ANGPT2: variants seen among roughly 807,000 people sequenced by gnomAD.
ANGPT2 encodes angiopoietin 2.
Under a neutral mutation model 62.9 loss-of-function variants are expected in ANGPT2, and 28 were observed. That is an observed-to-expected ratio of 0.44 (90% CI 0.33 to 0.61). The LOEUF is 0.61. Among genes scored for constraint, ANGPT2 ranks in the 20% least tolerant of loss-of-function variants. ANGPT2 has a pLI of 0.03. For synonymous variants in ANGPT2, 284 were observed against 207.8 expected (o/e 1.37, Z -3.15); for missense variants, 727 against 594.9 (o/e 1.22, Z -2.31).
intron 2 of ANGPT2, among the ~76,000 whole-genome samples, chr8:6,530,609 A>C (rs1364327019): frequency 6.6e-6 from 1 of 151,116 alleles, no homozygotes; most frequent in Non-Finnish European, 1.5e-5. Context: ...TTGACTTTTA[A>C]ATCTTTAGTT....
intron 1 of ANGPT2, among the ~76,000 whole-genome samples, chr8:6,532,910 C>T (rs953668432): frequency 1.3e-5 from 2 of 152,190 alleles, no homozygotes; most frequent in African/African-American, 2.4e-5. Context: ...CACTATTTCT[C>T]TCACATTCTA....
rs1317247013 is a variant in ANGPT2 at position 6,502,485 on chromosome 8, A to G, written c.*616T>C. Reference sequence around the variant, plus strand: ...ATTAACTTATAACTAAGCTGTCAACATAAATGTAAATACGCTGTTTTTGAA... The same window carrying G: ...ATTAACTTATAACTAAGCTGTCAACGTAAATGTAAATACGCTGTTTTTGAA... On this transcript the variant is annotated 3_prime_UTR_variant, in exon 9 of 9. Transcript: ENST00000629816. 1.3e-5 allele frequency: 2 copies of G among 152,272 alleles called. No individual in the cohort carries two copies. Among genetic ancestry groups the G allele is most frequent in the African/African-American group, 2.4e-5 (1 of 41,472 alleles). The allele number at this position is 152,272 out of a possible 1,614,324, so 9.4% of individuals were successfully genotyped here. A position where few individuals can be genotyped will look rare whatever the true frequency, so the allele number is the denominator to read the frequency against.
chr8:6,550,418 C>G (rs1823428945), intron 1 of ANGPT2, among the ~76,000 whole-genome samples: 1 of 152,250 alleles, frequency 6.6e-6, no homozygotes, highest in South Asian at 2.1e-4. Context: ...TCTACAGCCG[C>G]TTGTTGCCCT....
In ANGPT2 at chr8:6,539,406, G is replaced by A. The variant is rs150938271; in HGVS notation, c.289-6919C>T. On this transcript the variant is annotated intron_variant, in intron 1 of 8. Coordinates refer to ENST00000629816, the MANE Select transcript of ANGPT2 (RefSeq NM_001118887.2). Reference sequence around the variant, plus strand: ...GAAGTTGAGGCAAAAGCTAAAGGCCGAGGGAGGGAAGCCTGGCCTCTGGTG... The same window carrying A: ...GAAGTTGAGGCAAAAGCTAAAGGCCAAGGGAGGGAAGCCTGGCCTCTGGTG... Among the ~76,000 whole-genome samples, 974 of 152,240 alleles carry A rather than the reference G, an allele frequency of 6.4e-3. 11 individuals carry two copies. Among genetic ancestry groups the A allele is most frequent in the African/African-American group, 0.023 (951 of 41,530 alleles).
In ANGPT2 at chr8:6,532,407, C is replaced by G. The variant is rs1193600354; in HGVS notation, c.369G>C (p.Val123=). The change falls in exon 2 of 9, where the codon GTG becomes GTC. Residue 123 remains valine (V), a synonymous_variant. Transcript: ENST00000629816. The part of the protein sequence containing the change: ...QQNAVQNQTA[V]MIEIGTNLLN... ...ACAGGTTTGTCCCTATTTCTATCAT[C>G]ACAGCCGTCTGGTTCTGTACTGCAT... is the stretch of plus-strand genomic sequence containing the variant. 1.2e-6 allele frequency: 2 copies of G among 1,614,140 alleles called. No individual in the cohort carries two copies. The highest frequency in any genetic ancestry group is 1.7e-6 in the Non-Finnish European group (2 of 1,180,028).
At chr8:6,557,242 T>A (rs769500844) in intron 1 of ANGPT2, among the ~76,000 whole-genome samples, 8 of 152,162 alleles carry the variant, frequency 5.3e-5, no homozygotes, top group Non-Finnish European at 8.8e-5. Flanking sequence ...ACAAGGCTAC[T>A]AAACTGCAGA....
At position 6,503,022 on chromosome 8, in the gene ANGPT2, G is replaced by A. The variant is rs1812501047; in HGVS notation, c.*79C>T. Reference sequence around the variant, plus strand: ...CCTCTGTGGTGGAAGAGGACACAGTGCGCAGCCGTGACTTTCAGTGCACTG... The same window carrying A: ...CCTCTGTGGTGGAAGAGGACACAGTACGCAGCCGTGACTTTCAGTGCACTG... On this transcript the variant is annotated 3_prime_UTR_variant, in exon 9 of 9. Transcript: ENST00000629816. 1 of 1,542,656 alleles carries A rather than the reference G, an allele frequency of 6.5e-7. No homozygotes were observed. The highest frequency in any genetic ancestry group is 1.2e-5 in the South Asian group (1 of 82,934).
intron 1 of ANGPT2, among the ~76,000 whole-genome samples, chr8:6,547,278 A>C (rs1037606736): frequency 8.5e-5 from 13 of 152,070 alleles, no homozygotes; most frequent in African/African-American, 3.1e-4. Context: ...TGATTCTCCA[A>C]ATGCTTGTGG....
chr8:6,536,323 G>A (rs915680981), intron 1 of ANGPT2, among the ~76,000 whole-genome samples: 1 of 152,140 alleles, frequency 6.6e-6, no homozygotes, highest in African/African-American at 2.4e-5. Context: ...CAGCACAGGT[G>A]GATGCAGGGC....
intron 3 of ANGPT2, among the ~76,000 whole-genome samples, chr8:6,522,468 A>T (rs1427161938): frequency 6.6e-6 from 1 of 152,084 alleles, no homozygotes; most frequent in Non-Finnish European, 1.5e-5. Flanking sequence ...TCCAATGAGG[A>T]AATTGAAACT....
rs757621488 is a variant in ANGPT2 at position 6,501,917 on chromosome 8, C to G, written c.*1184G>C. The G allele has an allele frequency of 2.2e-4, 31 of 141,362 alleles. No individual in the cohort carries two copies. The highest frequency in any genetic ancestry group is 7.8e-4 in the African/African-American group (31 of 39,536). The allele number at this position is 141,362 out of a possible 1,614,324, so 8.8% of individuals were successfully genotyped here. On this transcript the variant is annotated 3_prime_UTR_variant, in exon 9 of 9. Transcript: ENST00000629816. ...TTATGAACATCAGATTTTGTTTTTGCACTTTGAAACCCTTTTTTTTTTTTC... is the reference window on the plus strand; with the variant it reads ...TTATGAACATCAGATTTTGTTTTTGGACTTTGAAACCCTTTTTTTTTTTTC...
At chr8:6,552,316 C>A (rs1342731595) in intron 1 of ANGPT2, among the ~76,000 whole-genome samples, 3 of 152,172 alleles carry the variant, frequency 2.0e-5, no homozygotes, top group African/African-American at 7.2e-5. Context: ...CATATTCACG[C>A]AGTCACAGCA....
At chr8:6,544,584 A>G (rs1182053154) in intron 1 of ANGPT2, among the ~76,000 whole-genome samples, 1 of 152,106 alleles carries the variant, frequency 6.6e-6, no homozygotes, top group Non-Finnish European at 1.5e-5. Flanking sequence ...TCATTCATGT[A>G]TTGGAGGGGG....
At chr8:6,543,941 C>G (rs908550579) in intron 1 of ANGPT2, among the ~76,000 whole-genome samples, 7 of 152,162 alleles carry the variant, frequency 4.6e-5, no homozygotes, top group Admixed American at 1.3e-4. Flanking sequence ...TTTAACGGGG[C>G]TATGTTTTGC....
At chr8:6,537,356 G>GT (rs958090654) in intron 1 of ANGPT2, among the ~76,000 whole-genome samples, 16 of 151,992 alleles carry the variant, frequency 1.1e-4, no homozygotes, top group African/African-American at 3.6e-4. Flanking sequence ...GCCTTGGGCT[G>GT]TTCTTCCTTT....
At chr8:6,525,348 G>C (rs1036236912) in intron 3 of ANGPT2, among the ~76,000 whole-genome samples, 3 of 152,160 alleles carry the variant, frequency 2.0e-5, no homozygotes, top group African/African-American at 7.2e-5. Context: ...ACCTGCCTCA[G>C]CCATCCAAAT....
At chr8:6,513,634 CA>C (rs1275748095) in intron 7 of ANGPT2, 43 bp downstream of exon 7, 3 of 1,573,354 alleles carry the variant, frequency 1.9e-6, no homozygotes, top group African/African-American at 2.7e-5. Flanking sequence ...TGCCCGGCCA[CA>C]AATCTTTTAA....
chr8:6,525,339 C>A (rs1818137639), intron 3 of ANGPT2, among the ~76,000 whole-genome samples: 1 of 152,288 alleles, frequency 6.6e-6, no homozygotes, highest in South Asian at 2.1e-4. Context: ...AAGCGATCCA[C>A]CTGCCTCAGC....
At chr8:6,522,996 GT>G (rs1158824143) in intron 3 of ANGPT2, among the ~76,000 whole-genome samples, 34 of 147,100 alleles carry the variant, frequency 2.3e-4, no homozygotes, top group Admixed American at 1.3e-3. Flanking sequence ...CCCTTGAAAA[GT>G]TTTTTTTTTT....
Sources: gnomAD v4.1 joint callset for allele counts (sites outside exome capture counted in the v4.1 genomes callset) on GRCh38, gnomAD v4.1.1 for gene constraint, MANE v1.5 for transcripts, NCBI Gene and HGNC (gene_info 2026-07-23, HGNC 2026-07-21) for gene names.